The following CFAP299 variants were observed in gnomAD, a reference collection of about 807,000 sequenced individuals.
CFAP299 encodes cilia and flagella associated protein 299.
CFAP299 carries 21 observed loss-of-function variants against 27.0 expected under a neutral mutation model. The ratio of observed to expected loss-of-function variants is 0.78; its 90% confidence interval spans 0.55 to 1.12. CFAP299 has a LOEUF of 1.12. Ranked by LOEUF, CFAP299 falls within the 50% of genes most tolerant of loss-of-function variation. The pLI, the probability that CFAP299 is intolerant of heterozygous loss-of-function variation, is 0.00. For missense variants in CFAP299, 310 were observed against 276.6 expected, an observed-to-expected ratio of 1.12 and a Z score of -0.86; for synonymous variants, 104 against 98.1, an observed-to-expected ratio of 1.06 and a Z score of -0.36.
intron 3 of CFAP299, among the ~76,000 whole-genome samples, chr4:80,669,372 C>T (rs1228661977): frequency 2.6e-5 from 4 of 151,238 alleles, no homozygotes; most frequent in African/African-American, 7.3e-5. Flanking sequence ...AGGCTGGTCT[C>T]GAACTCCTGC....
intron 4 of CFAP299, among the ~76,000 whole-genome samples, chr4:80,924,530 G>C (rs1171367000): frequency 7.1e-6 from 1 of 140,470 alleles, no homozygotes; most frequent in Non-Finnish European, 1.5e-5. Flanking sequence ...GTGTGTGTGT[G>C]TGTGTGTGTA....
intron 2 of CFAP299, among the ~76,000 whole-genome samples, chr4:80,404,748 T>G (rs1156600119): frequency 1.3e-5 from 2 of 152,236 alleles, no homozygotes; most frequent in African/African-American, 2.4e-5. Context: ...TGGACATAGA[T>G]GTACAAATAT....
intron 4 of CFAP299, among the ~76,000 whole-genome samples, chr4:80,879,037 G>A (rs1454744140): frequency 1.3e-5 from 2 of 151,998 alleles, no homozygotes; most frequent in Admixed American, 1.3e-4. Flanking sequence ...TATGATGACT[G>A]TATCATTTGG....
intron 4 of CFAP299, among the ~76,000 whole-genome samples, chr4:80,904,950 AT>A (rs1192293328): frequency 4.6e-5 from 7 of 152,216 alleles, no homozygotes; most frequent in African/African-American, 1.7e-4. Context: ...AATTTAGAAT[AT>A]GAATAAAAAG....
chr4:80,536,215 TA>T (rs1000664539), intron 2 of CFAP299, among the ~76,000 whole-genome samples: 11 of 152,154 alleles, frequency 7.2e-5, no homozygotes. Flanking sequence ...AAAGTGCCTT[TA>T]AAAATCCCCT....
Position 80,728,838 on chromosome 4 carries a change from TC to T in CFAP299, c.334-141154del, listed in dbSNP as rs1285791572. On this transcript the variant is annotated intron_variant, in intron 3 of 5. Coordinates refer to ENST00000358105, the MANE Select transcript of CFAP299 (RefSeq NM_152770.3). ...TCTATGTCATGACTTCCTCAGAACTTCTTAGTGTGAGAGAGGAATCCTATCT... is the reference window on the plus strand; with the variant it reads ...TCTATGTCATGACTTCCTCAGAACTTTTAGTGTGAGAGAGGAATCCTATCT... Among the ~76,000 whole-genome samples the T allele has an allele frequency of 3.9e-5, 6 of 152,294 alleles. No individual in the cohort carries two copies. The East Asian group carries it at 1.2e-3, about 29-fold the overall frequency.
chr4:80,602,207 C>G (rs2109902515), intron 3 of CFAP299, among the ~76,000 whole-genome samples: 1 of 150,010 alleles, frequency 6.7e-6, no homozygotes, highest in South Asian at 2.2e-4. Context: ...CACCCCTGAA[C>G]TTAAAATAAA....
intron 3 of CFAP299, among the ~76,000 whole-genome samples, chr4:80,607,326 A>G (rs556413631): frequency 1.3e-5 from 2 of 152,298 alleles, no homozygotes; most frequent in East Asian, 3.9e-4. Flanking sequence ...TAAGTACTAT[A>G]GAGTCTTGTT....
chr4:80,846,321 T>G (rs1199390630), intron 3 of CFAP299, among the ~76,000 whole-genome samples: 1 of 152,132 alleles, frequency 6.6e-6, no homozygotes, highest in East Asian at 1.9e-4. Flanking sequence ...TGTTTTCAGG[T>G]GATAAATTCT....
At chr4:80,693,075 G>A (rs1218528168) in intron 3 of CFAP299, among the ~76,000 whole-genome samples, 11 of 152,274 alleles carry the variant, frequency 7.2e-5, no homozygotes, top group Non-Finnish European at 1.5e-4. Flanking sequence ...GTGGAAAATA[G>A]GAACACTTTT....
chr4:80,818,684 GA>G (rs1368784316), intron 3 of CFAP299, among the ~76,000 whole-genome samples: 1 of 151,870 alleles, frequency 6.6e-6, no homozygotes, highest in Non-Finnish European at 1.5e-5. Context: ...TTATGAAATT[GA>G]AAAAAAGTAG....
At chr4:80,392,642 C>T (rs1409177731) in intron 2 of CFAP299, among the ~76,000 whole-genome samples, 1 of 152,070 alleles carries the variant, frequency 6.6e-6, no homozygotes, top group African/African-American at 2.4e-5. Context: ...TGTAAGATTC[C>T]TAAGGCCTTC....
intron 1 of CFAP299, among the ~76,000 whole-genome samples, chr4:80,338,432 A>G (rs1167167206): frequency 6.6e-6 from 1 of 152,206 alleles, no homozygotes; most frequent in Admixed American, 6.5e-5. Flanking sequence ...AATTAGAGGT[A>G]GCATGTTTAG....
intron 2 of CFAP299, among the ~76,000 whole-genome samples, chr4:80,457,748 G>T (rs1042902051): frequency 6.6e-6 from 1 of 152,048 alleles, no homozygotes; most frequent in East Asian, 1.9e-4. Context: ...CATGCAGTTC[G>T]TTTGCTGTAA....
intron 3 of CFAP299, among the ~76,000 whole-genome samples, chr4:80,708,065 A>G (rs1254382751): frequency 6.6e-6 from 1 of 152,140 alleles, no homozygotes; most frequent in African/African-American, 2.4e-5. Context: ...GCCAGTATCA[A>G]TAGAAATCAG....
At chr4:80,831,513 T>C (rs1337134486) in intron 3 of CFAP299, among the ~76,000 whole-genome samples, 1 of 152,066 alleles carries the variant, frequency 6.6e-6, no homozygotes, top group Non-Finnish European at 1.5e-5. Flanking sequence ...TTTCTCACAA[T>C]AGGAGGGTAG....
At position 80,387,218 on chromosome 4, in the gene CFAP299, A is replaced by C; in HGVS notation, c.242+24334A>C. ...GTACTGGTGCACGCTCAGGTCGTAC[A>C]TCGGGGGTAAGTCCTTGTTGCAGAA... On this transcript the variant is annotated intron_variant, in intron 2 of 5. Coordinates refer to ENST00000358105, the MANE Select transcript of CFAP299 (RefSeq NM_152770.3). 68 of 1,439,640 alleles carry C rather than the reference A, an allele frequency of 4.7e-5. 2 individuals carry two copies. In the South Asian group the frequency reaches 7.4e-4, roughly 16 times the overall value. 89.2% of individuals were successfully genotyped at this position (1,439,640 alleles called of 1,614,324 possible). A position where few individuals can be genotyped will look rare whatever the true frequency, so the allele number is the denominator to read the frequency against.
intron 3 of CFAP299, among the ~76,000 whole-genome samples, chr4:80,653,757 A>C (rs1018711468): frequency 2.6e-5 from 4 of 152,184 alleles, no homozygotes; most frequent in African/African-American, 9.6e-5. Flanking sequence ...AAGTATTTTC[A>C]CCAAAACCAT....
Position 80,963,620 on chromosome 4 carries a change from CA to C in CFAP299, c.*9del, listed in dbSNP as rs1455672976. The C allele has an allele frequency of 6.5e-7, 1 of 1,531,770 alleles. No homozygotes were observed. The highest frequency in any genetic ancestry group is 9.0e-7 in the Non-Finnish European group (1 of 1,113,466). The allele number at this position is 1,531,770 out of a possible 1,614,324, so 94.9% of individuals were successfully genotyped here. A position where few individuals can be genotyped will look rare whatever the true frequency, so the allele number is the denominator to read the frequency against. On this transcript the variant is annotated 3_prime_UTR_variant, in exon 6 of 6. Transcript: ENST00000358105. ...TCCAGAAGGAAGACTTAAGTACCAA[CA>C]TGTTAATTTCCTAATAATTTGCTAA...
Sources: gnomAD v4.1 joint callset for allele counts (sites outside exome capture counted in the v4.1 genomes callset) on GRCh38, gnomAD v4.1.1 for gene constraint, MANE v1.5 for transcripts, NCBI Gene and HGNC (gene_info 2026-07-23, HGNC 2026-07-21) for gene names.